Variants in PLD1 observed in about 807,000 individuals in gnomAD.
PLD1 encodes the protein phospholipase D1.
Under a neutral mutation model 137.1 loss-of-function variants are expected in PLD1, and 112 were observed. The ratio of observed to expected loss-of-function variants is 0.82; its 90% CI spans 0.70 to 0.96. The LOEUF is 0.96. Among genes scored for constraint, PLD1 ranks in the 40% least tolerant of loss-of-function variants. The probability of loss-of-function intolerance (pLI) is 0.00; values close to 1 mark genes in which losing one functional copy is unlikely to be tolerated. For synonymous variants in PLD1, 431 were observed against 454.7 expected, an observed-to-expected ratio of 0.95 and a Z score of 0.66; for missense variants, 1,321 against 1,342.0, an observed-to-expected ratio of 0.98 and a Z score of 0.24.
intron 19 of PLD1, among the ~76,000 whole-genome samples, chr3:171,664,682 C>T (rs1488191818): frequency 3.3e-5 from 5 of 152,100 alleles, no homozygotes; most frequent in African/African-American, 1.2e-4. Context: ...TGGTCTTGAA[C>T]TCCTGACCTC....
At chr3:171,727,891 T>C (rs867476279) in intron 6 of PLD1, among the ~76,000 whole-genome samples, 1 of 152,240 alleles carries the variant, frequency 6.6e-6, no homozygotes, top group East Asian at 1.9e-4. Context: ...TGCTTGCATT[T>C]TTCTCTTTTC....
At chr3:171,629,957 G>A (rs1027558550) in intron 23 of PLD1, among the ~76,000 whole-genome samples, 29 of 152,162 alleles carry the variant, frequency 1.9e-4, no homozygotes, top group Non-Finnish European at 3.2e-4. Flanking sequence ...GTATGGGCAA[G>A]GACTTCATGT....
intron 21 of PLD1, among the ~76,000 whole-genome samples, chr3:171,654,489 C>T (rs989908679): frequency 6.6e-6 from 1 of 152,148 alleles, no homozygotes; most frequent in Non-Finnish European, 1.5e-5. Flanking sequence ...TTTCTCACTT[C>T]CTGACTTTCT....
At chr3:171,782,584 C>A (rs570444527) in intron 1 of PLD1, among the ~76,000 whole-genome samples, 1 of 152,190 alleles carries the variant, frequency 6.6e-6, no homozygotes. Context: ...AGCAATAAAG[C>A]AAACTATTGA....
chr3:171,702,661 T>C lies in PLD1; in HGVS notation c.1146-2835A>G, dbSNP rs574982961. On this transcript the variant is annotated intron_variant, in intron 11 of 26. Transcript: ENST00000351298. ...TTTTCATAATGAAAATAAAAAGAAA[T>C]TGAAACTGACTTCATAGCTATTGAA... Among the ~76,000 whole-genome samples, 179 of 152,142 alleles carry C rather than the reference T, an allele frequency of 1.2e-3. 2 individuals are homozygous for C. In the South Asian group the frequency reaches 0.015, roughly 13 times the overall value.
chr3:171,709,809 G>A, intron 9 of PLD1, 100 bp from the exon 10 acceptor site: 1 of 995,402 alleles, frequency 1.0e-6, no homozygotes, highest in South Asian at 1.9e-5. Flanking sequence ...GAAAATTTGA[G>A]GCAAAGAACA....
At chr3:171,674,995 A>G (rs548853810) in intron 18 of PLD1, among the ~76,000 whole-genome samples, 17 of 140,280 alleles carry the variant, frequency 1.2e-4, no homozygotes, top group East Asian at 5.8e-4. Context: ...AAAAAAAAAA[A>G]AAAAGAAAAA....
At chr3:171,639,353 T>A (rs1173064988) in intron 23 of PLD1, among the ~76,000 whole-genome samples, 1 of 132,158 alleles carries the variant, frequency 7.6e-6, no homozygotes, top group Non-Finnish European at 1.5e-5. Context: ...AAGATATATA[T>A]GAATATATAT....
chr3:171,658,815 A>G (rs1737427050), intron 21 of PLD1, among the ~76,000 whole-genome samples: 1 of 152,240 alleles, frequency 6.6e-6, no homozygotes, highest in African/African-American at 2.4e-5. Context: ...TCAGCAAACC[A>G]ATTATTAAAA....
intron 23 of PLD1, among the ~76,000 whole-genome samples, chr3:171,634,079 G>A (rs1392234697): frequency 1.3e-5 from 2 of 152,094 alleles, no homozygotes; most frequent in African/African-American, 2.4e-5. Flanking sequence ...ATACAACCTT[G>A]TACTTTAGAA....
At chr3:171,616,133 A>T (rs757631708) in intron 24 of PLD1, among the ~76,000 whole-genome samples, 11 of 152,136 alleles carry the variant, frequency 7.2e-5, no homozygotes, top group Non-Finnish European at 1.6e-4. Flanking sequence ...TGAAGTTCCT[A>T]TACAATTTCT....
At chr3:171,668,017 G>A (rs927710555) in intron 19 of PLD1, among the ~76,000 whole-genome samples, 1 of 152,180 alleles carries the variant, frequency 6.6e-6, no homozygotes, top group Non-Finnish European at 1.5e-5. Context: ...CTCCCAAAGT[G>A]CTAGGATTAC....
intron 16 of PLD1, among the ~76,000 whole-genome samples, chr3:171,685,800 T>C (rs753381959): frequency 3.3e-5 from 5 of 152,152 alleles, no homozygotes; most frequent in African/African-American, 7.2e-5. Flanking sequence ...TCACACAGCA[T>C]GACACATCCA....
At chr3:171,648,557 C>CTTT (rs201821154) in intron 21 of PLD1, among the ~76,000 whole-genome samples, 1 of 143,392 alleles carries the variant, frequency 7.0e-6, no homozygotes, top group African/African-American at 2.5e-5. Context: ...AACATAGTTA[C>CTTT]TTTTTTTTTT....
At chr3:171,654,308 A>AC in intron 21 of PLD1, 1 of 313,846 alleles carries the variant, frequency 3.2e-6, no homozygotes, top group Non-Finnish European at 6.1e-6. Flanking sequence ...CTCAAAAAAA[A>AC]AAAAAAAAAA....
At chr3:171,615,445 T>G (rs951027456) in intron 24 of PLD1, among the ~76,000 whole-genome samples, 1 of 152,164 alleles carries the variant, frequency 6.6e-6, no homozygotes, top group African/African-American at 2.4e-5. Flanking sequence ...ATCACTGAAT[T>G]TATTACCCTG....
Position 171,605,084 on chromosome 3 carries a change from T to C in PLD1, c.3000+215A>G, listed in dbSNP as rs2287577. 0.29 allele frequency among the ~76,000 whole-genome samples: 43,746 copies of C among 152,130 alleles called. 7,062 individuals carry two copies. The highest frequency in any genetic ancestry group is 0.41 in the African/African-American group (17,056 of 41,478). On this transcript the variant is annotated intron_variant, in intron 26 of 26. Transcript: ENST00000351298. ...TCCTGCATCACAGGAGAGACTGGAATGCTGCTAAAGCCTCTTCTAAACCAA... is the reference window on the plus strand; with the variant it reads ...TCCTGCATCACAGGAGAGACTGGAACGCTGCTAAAGCCTCTTCTAAACCAA...
intron 1 of PLD1, chr3:171,765,395 A>G (rs537561947): frequency 6.6e-6 from 1 of 152,354 alleles, no homozygotes; most frequent in African/African-American, 2.4e-5. Context: ...ATGCTGGTGA[A>G]GTTGGTAGGT....
intron 21 of PLD1, among the ~76,000 whole-genome samples, 189 bp from the exon 22 acceptor site, chr3:171,645,212 C>T (rs1053066687): frequency 2.0e-5 from 3 of 152,108 alleles, no homozygotes; most frequent in Non-Finnish European, 2.9e-5. Flanking sequence ...TCCAGGCTAT[C>T]GCTTCATAGC....
Sources: allele counts gnomAD v4.1 joint callset (sites outside exome capture counted in the v4.1 genomes callset), GRCh38; gene constraint gnomAD v4.1.1; transcripts MANE v1.5; gene names NCBI Gene and HGNC (gene_info 2026-07-23, HGNC 2026-07-21).